TESC: variants seen among roughly 807,000 people sequenced by gnomAD.
TESC encodes tescalcin, also known as calcineurin B homologous protein 3.
In TESC, 19 loss-of-function variants were observed where a neutral mutation model predicts 31.0. That is an observed-to-expected ratio of 0.61 (90% CI 0.43 to 0.90). The LOEUF is 0.90. Ranked by LOEUF, TESC falls within the 40% of genes least tolerant of loss-of-function variation. TESC has a pLI of 0.00. For missense variants in TESC, 248 were observed against 303.8 expected, an observed-to-expected ratio of 0.82 and a Z score of 1.36; for synonymous variants, 109 against 114.8, an observed-to-expected ratio of 0.95 and a Z score of 0.32.
intron 1 of TESC, among the ~76,000 whole-genome samples, chr12:117,092,283 C>T (rs191012175): frequency 8.5e-4 from 129 of 152,294 alleles, no homozygotes; most frequent in African/African-American, 2.9e-3. Flanking sequence ...GCACCGAGCT[C>T]AGTGCACATG....
chr12:117,049,740 A>G (rs1954620150), intron 3 of TESC, among the ~76,000 whole-genome samples: 1 of 151,920 alleles, frequency 6.6e-6, no homozygotes, highest in African/African-American at 2.4e-5. Context: ...GCCTCTAATA[A>G]AAATGCAAAA....
At position 117,042,881 on chromosome 12, in the gene TESC, C is replaced by T. The variant is rs75623691; in HGVS notation, c.520-887G>A. Among the ~76,000 whole-genome samples, 714 of 152,286 alleles carry T rather than the reference C, an allele frequency of 4.7e-3. 4 individuals are homozygous for T. Among genetic ancestry groups the T allele is most frequent in the African/African-American group, 0.016 (653 of 41,554 alleles). On this transcript the variant is annotated intron_variant, in intron 6 of 7. Transcript: ENST00000335209. ...ACCATTTATGCCTAGTGTTCCATTA[C>T]TGGAACGCTAAGCTGTGGGAGTTAC...
chr12:117,057,995 G>A lies in TESC; in HGVS notation c.129-1109C>T, dbSNP rs532876579. ...AGCACTGTGGGAGGCCGAGGCAGGCGGATCACTTGAGGTCAGGAGTTCAAG... is the reference window on the plus strand; with the variant it reads ...AGCACTGTGGGAGGCCGAGGCAGGCAGATCACTTGAGGTCAGGAGTTCAAG... On this transcript the variant is annotated intron_variant, in intron 2 of 7. Transcript: ENST00000335209. 3.9e-4 allele frequency among the ~76,000 whole-genome samples: 59 copies of A among 152,244 alleles called. 1 individual carries two copies. The highest frequency in any genetic ancestry group is 7.2e-4 in the Admixed American group (11 of 15,284).
chr12:117,090,369 A>G lies in TESC; in HGVS notation c.58+8856T>C, dbSNP rs542455893. ...TAGGCATGTCCAAGATAGCAGACATATAAAAAATGAAATGAATTACTAAAA... is the reference window on the plus strand; with the variant it reads ...TAGGCATGTCCAAGATAGCAGACATGTAAAAAATGAAATGAATTACTAAAA... On this transcript the variant is annotated intron_variant, in intron 1 of 7. Transcript: ENST00000335209. Among the ~76,000 whole-genome samples the G allele has an allele frequency of 6.6e-5, 10 of 152,366 alleles. No homozygotes were observed. The South Asian group carries it at 2.1e-3, about 32-fold the overall frequency.
At position 117,088,218 on chromosome 12, in the gene TESC, T is replaced by G. The variant is rs118152598; in HGVS notation, c.58+11007A>C. Among the ~76,000 whole-genome samples the G allele has an allele frequency of 4.2e-3, 640 of 152,188 alleles. 1 individual carries two copies. Among genetic ancestry groups the G allele is most frequent in the Middle Eastern group, 0.02 (6 of 294 alleles). On this transcript the variant is annotated intron_variant, in intron 1 of 7. Coordinates refer to ENST00000335209, the MANE Select transcript of TESC (RefSeq NM_017899.4). ...AATTTCTCCATTTTAATAAAAAGAC[T>G]AAAGATGATGAAGGGGGAAAAAAGC...
At chr12:117,098,762 G>A (rs1213362076) in intron 1 of TESC, 2 of 153,400 alleles carry the variant, frequency 1.3e-5, no homozygotes. Context: ...CGGCTCTCCC[G>A]ACTAAGGTCA....
intron 1 of TESC, among the ~76,000 whole-genome samples, chr12:117,091,251 A>C (rs2135803700): frequency 6.6e-6 from 1 of 152,362 alleles, no homozygotes; most frequent in South Asian, 2.1e-4. Flanking sequence ...CAGCATGGAC[A>C]AAAGAACAAA....
At chr12:117,075,186 T>C (rs2135784480) in intron 2 of TESC, 85 bp downstream of exon 2, 2 of 1,338,680 alleles carry the variant, frequency 1.5e-6, no homozygotes, top group Middle Eastern at 3.7e-4. Flanking sequence ...CTACCCCCGC[T>C]ACTCAGCACT....
intron 1 of TESC, among the ~76,000 whole-genome samples, chr12:117,095,326 G>A (rs547637819): frequency 6.6e-6 from 1 of 152,176 alleles, no homozygotes; most frequent in East Asian, 1.9e-4. Context: ...ACCTGCCTTG[G>A]CCTCCCAAAG....
intron 2 of TESC, among the ~76,000 whole-genome samples, chr12:117,061,023 G>T (rs1478803836): frequency 6.6e-6 from 1 of 152,156 alleles, no homozygotes; most frequent in Non-Finnish European, 1.5e-5. Context: ...AATCACACTT[G>T]GGCTCTACCC....
chr12:117,079,147 T>C (rs1955111590), intron 1 of TESC, among the ~76,000 whole-genome samples: 3 of 152,220 alleles, frequency 2.0e-5, no homozygotes, highest in South Asian at 4.1e-4. Flanking sequence ...GTGTTTTGTT[T>C]TCTTTTTTTT....
At chr12:117,073,100 T>C (rs1954996628) in intron 2 of TESC, among the ~76,000 whole-genome samples, 1 of 152,172 alleles carries the variant, frequency 6.6e-6, no homozygotes, top group Non-Finnish European at 1.5e-5. Flanking sequence ...CTGGCTGACT[T>C]GTGTCATGCT....
intron 4 of TESC, among the ~76,000 whole-genome samples, chr12:117,047,945 G>A (rs1034027817): frequency 6.6e-6 from 1 of 151,590 alleles, no homozygotes; most frequent in Non-Finnish European, 1.5e-5. Flanking sequence ...GTCTTTCTCT[G>A]CTGCCCAGGC....
At chr12:117,089,925 T>C (rs1955283593) in intron 1 of TESC, among the ~76,000 whole-genome samples, 1 of 151,904 alleles carries the variant, frequency 6.6e-6, no homozygotes, top group African/African-American at 2.4e-5. Flanking sequence ...ACATAGCATG[T>C]ACAAAACACC....
intron 1 of TESC, among the ~76,000 whole-genome samples, chr12:117,093,684 G>A (rs1487342398): frequency 2.6e-5 from 4 of 152,208 alleles, no homozygotes; most frequent in South Asian, 2.1e-4. Flanking sequence ...CAGCTACTGC[G>A]GATACGCTGC....
intron 3 of TESC, among the ~76,000 whole-genome samples, chr12:117,055,179 T>C (rs1354151542): frequency 6.6e-6 from 1 of 152,196 alleles, no homozygotes; most frequent in Admixed American, 6.5e-5. Flanking sequence ...TCTCATTCCG[T>C]TGCCCAGACT....
rs777799568 is a variant in TESC at position 117,046,807 on chromosome 12, G to A, written c.381C>T (p.Asp127=). The change falls in exon 5 of 8, where the codon GAC becomes GAT. Residue 127 remains aspartate (D), a synonymous_variant. Coordinates refer to ENST00000335209, the MANE Select transcript of TESC (RefSeq NM_017899.4). ...FLFHMYDSDS[D]GRITLEEYRN... is the part of the protein sequence containing the mutation. Reference sequence around the variant, plus strand: ...GATATTCTTCCAGAGTGATGCGGCCGTCGCTGTCCGAGTCGTACATGTGGA... The same window carrying A: ...GATATTCTTCCAGAGTGATGCGGCCATCGCTGTCCGAGTCGTACATGTGGA... 106 of 1,571,242 alleles carry A rather than the reference G, an allele frequency of 6.7e-5. No individual in the cohort carries two copies. Among genetic ancestry groups the A allele is most frequent in the East Asian group, 4.4e-4 (19 of 42,984 alleles).
At chr12:117,075,942 TATATATAC>T (rs1413995001) in intron 1 of TESC, among the ~76,000 whole-genome samples, 11 of 109,446 alleles carry the variant, frequency 1.0e-4, no homozygotes, top group East Asian at 4.5e-4. Flanking sequence ...TATATATATG[TATATATAC>T]ATATATATAT....
At chr12:117,044,098 T>A (rs976839509) in intron 6 of TESC, among the ~76,000 whole-genome samples, 1 of 151,996 alleles carries the variant, frequency 6.6e-6, no homozygotes, top group African/African-American at 2.4e-5. Flanking sequence ...ATCTCTTTTT[T>A]AAAAAACTTT....
Sources: gnomAD v4.1 joint callset for allele counts (sites outside exome capture counted in the v4.1 genomes callset) on GRCh38, gnomAD v4.1.1 for gene constraint, MANE v1.5 for transcripts, NCBI Gene and HGNC (gene_info 2026-07-23, HGNC 2026-07-21) for gene names.